The following NUP155 variants were observed in gnomAD, a reference collection of about 807,000 sequenced individuals.
The protein encoded by NUP155 is nucleoporin 155, also known as nuclear pore complex protein Nup155.
A neutral mutation model predicts 180.4 loss-of-function variants in NUP155; 71 were observed. That is an observed-to-expected ratio of 0.39 (90% CI 0.33 to 0.48). The LOEUF (loss-of-function observed/expected upper bound fraction) is 0.48, where lower values mean the gene tolerates loss of function less well. Among genes scored for constraint, NUP155 ranks in the 20% least tolerant of loss-of-function variants. The probability of loss-of-function intolerance (pLI) is 0.91; values close to 1 mark genes in which losing one functional copy is unlikely to be tolerated. For synonymous variants in NUP155, 582 were observed against 559.5 expected (o/e 1.04, Z -0.57); for missense variants, 1,553 against 1,648.9 (o/e 0.94, Z 1.01).
chr5:37,353,674 G>C (rs1746620177), intron 4 of NUP155, among the ~76,000 whole-genome samples: 1 of 152,144 alleles, frequency 6.6e-6, no homozygotes, highest in Non-Finnish European at 1.5e-5. Flanking sequence ...TAAATAAAAT[G>C]AGCCAGTCAC....
rs902282508 is a variant in NUP155, at chr5:37,338,764, A to G, written c.1247-846T>C. Among the ~76,000 whole-genome samples, 5 of 152,268 alleles carry G rather than the reference A, an allele frequency of 3.3e-5. No homozygotes were observed. In the South Asian group the frequency reaches 8.3e-4, roughly 25 times the overall value. On this transcript the variant is annotated intron_variant, in intron 11 of 34. Transcript: ENST00000231498. The stretch of plus-strand genomic sequence containing the variant: ...ATAAAATAATTCCCTGAAAGACTAT[A>G]TAATTATTTTTAAGGTAGACTCCTT...
At chr5:37,329,363 C>A (rs1744811530) in intron 15 of NUP155, 85 bp from the exon 16 acceptor site, 1 of 1,042,570 alleles carries the variant, frequency 9.6e-7, no homozygotes, top group African/African-American at 1.6e-5. Flanking sequence ...TCCTGTTTAG[C>A]TTCCAAGTAA....
chr5:37,323,642 CATATA>C (rs1393190143), intron 20 of NUP155, among the ~76,000 whole-genome samples: 49 of 148,744 alleles, frequency 3.3e-4, no homozygotes, highest in Admixed American at 5.4e-4. Flanking sequence ...TACATATATT[CATATA>C]ATATATTTAT....
chr5:37,294,514 C>G lies in NUP155; in HGVS notation c.3794-49G>C, dbSNP rs781775821. On this transcript the variant is annotated intron_variant, in intron 32 of 34. Transcript: ENST00000231498. ...AAATTTGGATTTTTAGCTCTTGATACTAAAAGGTAGGTCTTATTCATAACT... is the reference window on the plus strand; with the variant it reads ...AAATTTGGATTTTTAGCTCTTGATAGTAAAAGGTAGGTCTTATTCATAACT... 3.9e-6 allele frequency: 6 copies of G among 1,556,072 alleles called. No individual in the cohort carries two copies. In the Admixed American group the frequency reaches 1.0e-4, roughly 26 times the overall value.
chr5:37,347,696 CAAA>C (rs546371065), intron 9 of NUP155, among the ~76,000 whole-genome samples: 2 of 54,902 alleles, frequency 3.6e-5, no homozygotes, highest in African/African-American at 6.4e-5. Flanking sequence ...AACTCCATCT[CAAA>C]AAAAAAAAAA....
intron 25 of NUP155, among the ~76,000 whole-genome samples, chr5:37,306,913 AG>A (rs1248895905): frequency 6.6e-6 from 1 of 152,010 alleles, no homozygotes; most frequent in East Asian, 1.9e-4. Flanking sequence ...CTTTACACAA[AG>A]AGGCCAGACA....
intron 21 of NUP155, 33 bp downstream of exon 21, chr5:37,317,955 T>C (rs762242898): frequency 3.4e-6 from 4 of 1,160,042 alleles, no homozygotes; most frequent in South Asian, 1.2e-5. Flanking sequence ...ACTGAGGTCA[T>C]GTACGCTTAA....
At position 37,294,417 on chromosome 5, in the gene NUP155, T is replaced by A; in HGVS notation, c.3842A>T (p.Asp1281Val). The A allele has an allele frequency of 6.2e-7, 1 of 1,612,688 alleles. No individual in the cohort carries two copies. Among genetic ancestry groups the A allele is most frequent in the South Asian group, 1.1e-5 (1 of 91,036 alleles). ...LEQQVCTLNW[D>V]VGFVIQTMNE... is the part of the protein sequence containing the mutation. ...CATTGTCTGTATTACGAAGCCCACA[T>A]CCCAGTTCAAAGTACAAACCTGCTG... Residue 1281 changes from aspartate (D) to valine (V), a missense_variant, in exon 33 of 35, where the codon GAT becomes GTT. Transcript: ENST00000231498.
chr5:37,309,353 A>T (rs911608179), intron 23 of NUP155, 86 bp from the exon 24 acceptor site: 4 of 1,072,392 alleles, frequency 3.7e-6, no homozygotes, highest in Non-Finnish European at 5.5e-6. Flanking sequence ...TCTATGTCTA[A>T]ATTTATATAT....
At chr5:37,292,067 AT>A in intron 34 of NUP155, 29 bp from the exon 35 acceptor site, 12 of 1,611,890 alleles carry the variant, frequency 7.4e-6, no homozygotes, top group Non-Finnish European at 7.6e-6. Context: ...ATGATTAATT[AT>A]ACATTTACAA....
chr5:37,310,239 C>A (rs2150948728), intron 23 of NUP155, among the ~76,000 whole-genome samples: 1 of 152,212 alleles, frequency 6.6e-6, no homozygotes, highest in Non-Finnish European at 1.5e-5. Context: ...CATGAGAGGC[C>A]TGCTTGAGTC....
intron 22 of NUP155, 53 bp from the exon 23 acceptor site, chr5:37,310,796 C>T: frequency 7.6e-7 from 1 of 1,309,580 alleles, no homozygotes; most frequent in Non-Finnish European, 1.1e-6. Context: ...TATTTCTAAA[C>T]ATAATGAAAT....
intron 23 of NUP155, among the ~76,000 whole-genome samples, chr5:37,310,101 G>C (rs968605755): frequency 1.3e-5 from 2 of 152,122 alleles, no homozygotes; most frequent in Non-Finnish European, 2.9e-5. Flanking sequence ...CACTATGGGA[G>C]GCTGAGGCAG....
In NUP155 at chr5:37,288,261, A is replaced by G. The variant is rs1742100137; in HGVS notation, c.*3639T>C. 1 of 152,144 alleles carries G rather than the reference A, an allele frequency of 6.6e-6. No homozygotes were observed. The highest frequency in any genetic ancestry group is 2.4e-5 in the African/African-American group (1 of 41,430). The allele number at this position is 152,144 out of a possible 1,614,324, so 9.4% of individuals were successfully genotyped here. A position where few individuals can be genotyped will look rare whatever the true frequency, so the allele number is the denominator to read the frequency against. ...TCTAGTTCTTCATTTCCTTGATACA[A>G]CTCTGTACCATGGTCATAATTTTTC... On this transcript the variant is annotated 3_prime_UTR_variant, in exon 35 of 35. Transcript: ENST00000231498.
Position 37,351,373 on chromosome 5 carries a change from A to G in NUP155, c.557-17T>C. 6.3e-7 allele frequency: 1 copy of G among 1,586,070 alleles called. No individual in the cohort carries two copies. Among genetic ancestry groups the G allele is most frequent in the Non-Finnish European group, 8.7e-7 (1 of 1,155,498 alleles). Reference sequence around the variant, plus strand: ...CTCCAGAACCTATTTAAGAAAGAATACATAAATCAGTTTATTAGCTACTCC... The same window carrying G: ...CTCCAGAACCTATTTAAGAAAGAATGCATAAATCAGTTTATTAGCTACTCC... On this transcript the variant is annotated splice_polypyrimidine_tract_variant and intron_variant, in intron 5 of 34. Transcript: ENST00000231498.
chr5:37,288,773 G>GGGGGGTGGC lies in NUP155; in HGVS notation c.*3126_*3127insGCCACCCCC, dbSNP rs1742122090. On this transcript the variant is annotated 3_prime_UTR_variant, in exon 35 of 35. Coordinates refer to ENST00000231498, the MANE Select transcript of NUP155 (RefSeq NM_153485.3). The stretch of plus-strand genomic sequence containing the variant: ...AAAAAAAAAAAAAAAAAAAAAGTAG[G>GGGGGGTGGC]GGGGGTGGGGCTAGGCGCAGTGGCT... The GGGGGGTGGC allele has an allele frequency of 8.0e-6, 1 of 125,290 alleles. No individual in the cohort carries two copies. The highest frequency in any genetic ancestry group is 2.9e-4 in the East Asian group (1 of 3,494). 7.8% of individuals were successfully genotyped at this position (125,290 alleles called of 1,614,324 possible).
chr5:37,294,763 T>G (rs1366204109), intron 32 of NUP155, among the ~76,000 whole-genome samples: 5 of 151,800 alleles, frequency 3.3e-5, no homozygotes, highest in Admixed American at 2.0e-4. Flanking sequence ...AAAAAAAAAG[T>G]TTTTTTTAAA....
At chr5:37,333,970 T>A (rs974020747) in intron 12 of NUP155, among the ~76,000 whole-genome samples, 4 of 152,016 alleles carry the variant, frequency 2.6e-5, no homozygotes, top group African/African-American at 2.4e-5. Context: ...CCCAGCTAAT[T>A]TTTTATTTTT....
At chr5:37,294,654 A>C (rs542349471) in intron 32 of NUP155, among the ~76,000 whole-genome samples, 189 bp from the exon 33 acceptor site, 1 of 152,098 alleles carries the variant, frequency 6.6e-6, no homozygotes, top group Non-Finnish European at 1.5e-5. Context: ...GAGCAACTAC[A>C]GTGCACGACA....
Sources: gnomAD v4.1 joint callset for allele counts (sites outside exome capture counted in the v4.1 genomes callset) on GRCh38, gnomAD v4.1.1 for gene constraint, MANE v1.5 for transcripts, NCBI Gene and HGNC (gene_info 2026-07-23, HGNC 2026-07-21) for gene names.